Variants in SYN3 observed in about 807,000 individuals in gnomAD.
SYN3 encodes synapsin III, also known as synapsin-3.
A neutral mutation model predicts 65.8 loss-of-function variants in SYN3; 35 were observed. The observed-to-expected ratio is 0.53, with a 90% CI of 0.41 to 0.70. The LOEUF is 0.70. Ranked by LOEUF, SYN3 falls within the 30% of genes least tolerant of loss-of-function variation. SYN3 has a pLI of 0.00. For missense variants in SYN3, 680 were observed against 749.0 expected (o/e 0.91, Z 1.08); for synonymous variants, 270 against 292.9 (o/e 0.92, Z 0.80).
chr22:32,613,381 C>T (rs2059473337), intron 6 of SYN3, among the ~76,000 whole-genome samples: 1 of 152,084 alleles, frequency 6.6e-6, no homozygotes, highest in African/African-American at 2.4e-5. Context: ...CTCCCTCCTC[C>T]TTGCAAGGCC....
At chr22:33,038,269 T>C (rs1019075997) in intron 1 of SYN3, among the ~76,000 whole-genome samples, 3 of 152,226 alleles carry the variant, frequency 2.0e-5, no homozygotes, top group Non-Finnish European at 2.9e-5. Context: ...CTTCACATCC[T>C]GGCATCAGAT....
intron 3 of SYN3, among the ~76,000 whole-genome samples, chr22:32,939,941 C>A (rs137559): frequency 0.8 from 121,902 of 152,154 alleles, 49,495 homozygotes; most frequent in East Asian, 0.96. Flanking sequence ...GAATTTTCCT[C>A]AGTGGTTTTG....
intron 6 of SYN3, among the ~76,000 whole-genome samples, chr22:32,694,631 G>T (rs5998584): frequency 0.031 from 4,688 of 152,214 alleles, 231 homozygotes; most frequent in African/African-American, 0.099. Context: ...ATATGAAATC[G>T]TGTACAGGCA....
At chr22:33,031,278 C>T (rs1159651308) in intron 1 of SYN3, among the ~76,000 whole-genome samples, 1 of 152,196 alleles carries the variant, frequency 6.6e-6, no homozygotes, top group African/African-American at 2.4e-5. Context: ...ACCTCCACTG[C>T]AAACTGCTCC....
At chr22:32,657,739 T>C (rs1303498253) in intron 6 of SYN3, among the ~76,000 whole-genome samples, 2 of 152,182 alleles carry the variant, frequency 1.3e-5, no homozygotes, top group African/African-American at 2.4e-5. Context: ...ATCAGCTGAA[T>C]GCTTGGGACA....
chr22:32,577,041 A>G (rs1281243022), intron 7 of SYN3, among the ~76,000 whole-genome samples: 1 of 152,106 alleles, frequency 6.6e-6, no homozygotes, highest in African/African-American at 2.4e-5. Flanking sequence ...TCACATTAGC[A>G]TCACCAGGGG....
chr22:32,927,098 A>C (rs1041099493), intron 4 of SYN3, among the ~76,000 whole-genome samples: 1 of 152,168 alleles, frequency 6.6e-6, no homozygotes, highest in African/African-American at 2.4e-5. Flanking sequence ...ACCTACCGGT[A>C]TAGAAAAGTT....
At chr22:32,817,051 C>A (rs2047104718) in intron 6 of SYN3, among the ~76,000 whole-genome samples, 1 of 131,004 alleles carries the variant, frequency 7.6e-6, no homozygotes, top group South Asian at 2.7e-4. Context: ...GATTCCCTGT[C>A]TCTACTAATT....
chr22:32,542,448 A>G (rs1002685926), intron 7 of SYN3, among the ~76,000 whole-genome samples: 3 of 150,732 alleles, frequency 2.0e-5, no homozygotes, highest in Non-Finnish European at 4.4e-5. Flanking sequence ...GTGTGTGTGT[A>G]TAGTGTGTGA....
At chr22:33,040,364 C>T (rs1463545551) in intron 1 of SYN3, among the ~76,000 whole-genome samples, 1 of 151,978 alleles carries the variant, frequency 6.6e-6, no homozygotes, top group Non-Finnish European at 1.5e-5. Flanking sequence ...GATGCTTTGA[C>T]CCTCCCTTAA....
chr22:32,852,382 C>A (rs1018942984), intron 6 of SYN3, among the ~76,000 whole-genome samples: 2 of 152,176 alleles, frequency 1.3e-5, no homozygotes, highest in Non-Finnish European at 2.9e-5. Flanking sequence ...GTTGGTTTAT[C>A]ATCCAGCAGT....
intron 3 of SYN3, among the ~76,000 whole-genome samples, chr22:32,956,815 T>C (rs1397049824): frequency 1.3e-5 from 2 of 152,174 alleles, no homozygotes; most frequent in African/African-American, 4.8e-5. Context: ...ATTGCTGGAT[T>C]GTACAGTAAT....
At chr22:32,658,997 T>C (rs2060180338) in intron 6 of SYN3, among the ~76,000 whole-genome samples, 1 of 152,196 alleles carries the variant, frequency 6.6e-6, no homozygotes, top group Non-Finnish European at 1.5e-5. Flanking sequence ...TGGTAGATGC[T>C]AGCATGAACT....
chr22:32,783,191 G>A (rs1306827046), intron 6 of SYN3: 1 of 152,202 alleles, frequency 6.6e-6, no homozygotes, highest in South Asian at 2.1e-4. Flanking sequence ...ATATTGCCTG[G>A]ATGCCTGACT....
chr22:32,975,736 A>C (rs1325325868), intron 3 of SYN3, among the ~76,000 whole-genome samples: 5 of 152,254 alleles, frequency 3.3e-5, no homozygotes, highest in Admixed American at 2.0e-4. Context: ...TAGCAAATGT[A>C]ATTTCATAAG....
intron 7 of SYN3, among the ~76,000 whole-genome samples, chr22:32,576,833 C>G (rs1271599742): frequency 1.3e-5 from 2 of 151,528 alleles, no homozygotes; most frequent in African/African-American, 4.9e-5. Flanking sequence ...CTTCTCTTCA[C>G]ACCACTGCCA....
chr22:33,022,064 G>A (rs114197336), intron 1 of SYN3, among the ~76,000 whole-genome samples: 1 of 152,294 alleles, frequency 6.6e-6, no homozygotes, highest in African/African-American at 2.4e-5. Context: ...ATAAACCTAA[G>A]TTGAACGAAA....
intron 6 of SYN3, among the ~76,000 whole-genome samples, chr22:32,612,303 G>A (rs974564424): frequency 2.6e-5 from 4 of 152,166 alleles, no homozygotes; most frequent in Admixed American, 2.0e-4. Context: ...TGGGTACCAT[G>A]GGCACCCAAA....
chr22:32,734,418 G>C (rs1482867472), intron 6 of SYN3, among the ~76,000 whole-genome samples: 1 of 152,182 alleles, frequency 6.6e-6, no homozygotes, highest in South Asian at 2.1e-4. Context: ...CATGTGACCC[G>C]AGGGATGGGG....
Sources: gnomAD v4.1 joint callset for allele counts (sites outside exome capture counted in the v4.1 genomes callset) on GRCh38, gnomAD v4.1.1 for gene constraint, MANE v1.5 for transcripts, NCBI Gene and HGNC (gene_info 2026-07-23, HGNC 2026-07-21) for gene names.